The following DCLK1 variants were observed in gnomAD, a reference collection of about 807,000 sequenced individuals.
DCLK1 encodes the protein serine/threonine-protein kinase DCLK1.
Under a neutral mutation model 86.2 loss-of-function variants are expected in DCLK1, and 16 were observed. The observed-to-expected ratio is 0.19, with a 90% CI of 0.13 to 0.28. The LOEUF (loss-of-function observed/expected upper bound fraction) is 0.28. DCLK1 is among the 10% of genes least tolerant of loss of function. The probability of loss-of-function intolerance (pLI) is 1.00; values close to 1 mark genes in which losing one functional copy is unlikely to be tolerated. For missense variants in DCLK1, 590 were observed against 940.2 expected (o/e 0.63, Z 4.87); for synonymous variants, 369 against 370.5 (o/e 1.00, Z 0.05).
chr13:36,052,993 G>A (rs1178489568), intron 3 of DCLK1, among the ~76,000 whole-genome samples: 1 of 152,070 alleles, frequency 6.6e-6, no homozygotes, highest in Non-Finnish European at 1.5e-5. Context: ...TCACTACCTT[G>A]GGAAGTTCCA....
At chr13:35,806,231 T>C (rs982009264) in intron 14 of DCLK1, among the ~76,000 whole-genome samples, 4 of 151,830 alleles carry the variant, frequency 2.6e-5, no homozygotes, top group South Asian at 2.1e-4. Context: ...CATACTTAGG[T>C]TTGAAAGAAA....
At chr13:35,806,474 C>G (rs1269591863) in intron 14 of DCLK1, among the ~76,000 whole-genome samples, 1 of 152,174 alleles carries the variant, frequency 6.6e-6, no homozygotes, top group Non-Finnish European at 1.5e-5. Flanking sequence ...AATGCTCTAC[C>G]TGGGTCTTAA....
At chr13:36,004,661 G>A (rs955897101) in intron 3 of DCLK1, among the ~76,000 whole-genome samples, 5 of 151,912 alleles carry the variant, frequency 3.3e-5, no homozygotes, top group African/African-American at 7.3e-5. Flanking sequence ...GTGCAATCTC[G>A]GCCTCCGGGG....
intron 5 of DCLK1, among the ~76,000 whole-genome samples, chr13:35,870,222 G>T (rs1872167899): frequency 6.6e-6 from 1 of 152,218 alleles, no homozygotes; most frequent in African/African-American, 2.4e-5. Flanking sequence ...TTGAGAGTCA[G>T]AGGGGAAGGT....
intron 3 of DCLK1, among the ~76,000 whole-genome samples, chr13:35,963,113 C>G (rs1878545130): frequency 6.6e-6 from 1 of 152,200 alleles, no homozygotes; most frequent in South Asian, 2.1e-4. Flanking sequence ...CTCATCTTGA[C>G]TCTGTAAATC....
At chr13:36,121,700 T>C (rs973473890) in intron 2 of DCLK1, among the ~76,000 whole-genome samples, 4 of 152,194 alleles carry the variant, frequency 2.6e-5, no homozygotes, top group African/African-American at 9.7e-5. Context: ...TTCAGTACTA[T>C]TTGCAGTTTC....
intron 6 of DCLK1, chr13:35,850,333 A>G: frequency 3.0e-6 from 3 of 988,676 alleles, no homozygotes; most frequent in Non-Finnish European, 3.6e-6. Context: ...GAAAAATTAT[A>G]TCTCTATGTC....
At chr13:35,964,229 A>G (rs1325744237) in intron 3 of DCLK1, among the ~76,000 whole-genome samples, 2 of 152,238 alleles carry the variant, frequency 1.3e-5, no homozygotes, top group African/African-American at 4.8e-5. Flanking sequence ...GGGGGTGTAT[A>G]AAATTGCAGA....
intron 11 of DCLK1, among the ~76,000 whole-genome samples, chr13:35,813,150 T>C (rs188133280): frequency 4.7e-4 from 71 of 152,338 alleles, no homozygotes; most frequent in Admixed American, 2.3e-3. Context: ...ATTGTTTACT[T>C]CCTTAATTCC....
intron 3 of DCLK1, among the ~76,000 whole-genome samples, chr13:35,963,627 C>T (rs1878575046): frequency 6.6e-6 from 1 of 152,114 alleles, no homozygotes; most frequent in Non-Finnish European, 1.5e-5. Flanking sequence ...TATCCCCACC[C>T]AAATCTCATC....
chr13:36,049,065 C>T (rs963184645), intron 3 of DCLK1, among the ~76,000 whole-genome samples: 7 of 152,156 alleles, frequency 4.6e-5, no homozygotes, highest in African/African-American at 1.7e-4. Flanking sequence ...TATCTCATGA[C>T]TTCCATGCAC....
intron 3 of DCLK1, among the ~76,000 whole-genome samples, chr13:35,972,588 C>G (rs538128775): frequency 1.3e-5 from 2 of 151,846 alleles, no homozygotes; most frequent in African/African-American, 4.8e-5. Flanking sequence ...GGTTGCCACA[C>G]AGAGAGAAGT....
intron 6 of DCLK1, chr13:35,849,781 T>A: frequency 1.0e-6 from 1 of 985,336 alleles, no homozygotes; most frequent in Non-Finnish European, 1.2e-6. Flanking sequence ...TGGGCCTGAT[T>A]TATACAGCAC....
chr13:36,051,445 T>C (rs1883119319), intron 3 of DCLK1, among the ~76,000 whole-genome samples: 1 of 152,046 alleles, frequency 6.6e-6, no homozygotes, highest in Admixed American at 6.6e-5. Context: ...TATGTACAAG[T>C]CAATTTTTTT....
intron 16 of DCLK1, among the ~76,000 whole-genome samples, chr13:35,791,485 G>C (rs1021064309): frequency 1.3e-5 from 2 of 152,088 alleles, no homozygotes; most frequent in Non-Finnish European, 2.9e-5. Flanking sequence ...AAAAAAAGTG[G>C]ATCTTTGATC....
chr13:36,103,588 T>C (rs910351147), intron 3 of DCLK1, among the ~76,000 whole-genome samples: 8 of 152,202 alleles, frequency 5.3e-5, no homozygotes, highest in African/African-American at 1.9e-4. Flanking sequence ...AAATCTCCCA[T>C]CTGTCCTTTT....
intron 16 of DCLK1, among the ~76,000 whole-genome samples, chr13:35,776,497 G>A (rs1207209653): frequency 6.6e-6 from 1 of 152,160 alleles, no homozygotes; most frequent in Non-Finnish European, 1.5e-5. Flanking sequence ...GGGAAGAAAA[G>A]CACATCAGGT....
At chr13:35,959,619 T>C (rs1878344968) in intron 3 of DCLK1, among the ~76,000 whole-genome samples, 1 of 152,180 alleles carries the variant, frequency 6.6e-6, no homozygotes, top group Non-Finnish European at 1.5e-5. Context: ...AAATGAGACA[T>C]GTCCATGTCC....
At position 36,007,988 on chromosome 13, in the gene DCLK1, C is replaced by T. The variant is rs74044279; in HGVS notation, c.724-60531G>A. ...AGGCAATCCTAAGGAGTAATTAATA[C>T]AATTTTTAGTCTATAAAACTCCACA... On this transcript the variant is annotated intron_variant, in intron 3 of 16. Coordinates refer to ENST00000360631, the MANE Select transcript of DCLK1 (RefSeq NM_001330071.2). Among the ~76,000 whole-genome samples the T allele has an allele frequency of 4.1e-3, 622 of 151,960 alleles. 10 individuals carry two copies. Among genetic ancestry groups the T allele is most frequent in the African/African-American group, 0.014 (595 of 41,482 alleles).
Sources: gnomAD v4.1 joint callset for allele counts (sites outside exome capture counted in the v4.1 genomes callset) on GRCh38, gnomAD v4.1.1 for gene constraint, MANE v1.5 for transcripts, NCBI Gene and HGNC (gene_info 2026-07-23, HGNC 2026-07-21) for gene names.